Variants in AMMECR1 observed in about 807,000 individuals in gnomAD.
AMMECR1 encodes the protein AMMECR nuclear protein 1.
AMMECR1 carries 3 observed loss-of-function variants against 22.5 expected under a neutral mutation model. The ratio of observed to expected loss-of-function variants is 0.13; its 90% CI spans 0.06 to 0.35. AMMECR1 has a LOEUF of 0.35. AMMECR1 is among the 10% of genes least tolerant of loss of function. The pLI is 1.00. For missense variants in AMMECR1, 235 were observed against 278.7 expected (o/e 0.84, Z 1.12); for synonymous variants, 130 against 116.7 (o/e 1.11, Z -0.74).
chrX:110,299,632 TCTATATAAGATC>T lies in AMMECR1; in HGVS notation c.473+17955_473+17966del, dbSNP rs1222911975. 2.7e-5 allele frequency among the ~76,000 whole-genome samples: 3 copies of T among 111,944 alleles called. No individual in the cohort carries two copies. In the Admixed American group the frequency reaches 2.8e-4, roughly 11 times the overall value. Reference sequence around the variant, plus strand: ...TTATCACACCCATCACCACCCATGCTCTATATAAGATCCTAAGAACTTGTTCATCTTATAATT... The same window carrying T: ...TTATCACACCCATCACCACCCATGCTCTAAGAACTTGTTCATCTTATAATT... On this transcript the variant is annotated intron_variant, in intron 1 of 5. Coordinates refer to ENST00000262844, the MANE Select transcript of AMMECR1 (RefSeq NM_015365.3).
At position 110,317,811 on chromosome X, in the gene AMMECR1, T is replaced by C. The variant is rs2068058101; in HGVS notation, c.261A>G (p.Pro87=). ...GGGGGGIALS[P]PPSCGVGTLL... ...GGGTCCCCACTCCGCAGCTCGGAGG[T>C]GGCGACAGGGCGATCCCCCCGCCGC... The change falls in exon 1 of 6, where the codon CCA becomes CCG. Residue 87 remains proline (P), a synonymous_variant. Coordinates refer to ENST00000262844, the MANE Select transcript of AMMECR1 (RefSeq NM_015365.3). 1 of 1,159,074 alleles carries C rather than the reference T, an allele frequency of 8.6e-7. No individual in the cohort carries two copies. Among genetic ancestry groups the C allele is most frequent in the Non-Finnish European group, 1.1e-6 (1 of 869,906 alleles).
At chrX:110,242,636 G>A (rs1327165357) in intron 2 of AMMECR1, among the ~76,000 whole-genome samples, 1 of 112,117 alleles carries the variant, frequency 8.9e-6, no homozygotes, top group Non-Finnish European at 1.9e-5. Flanking sequence ...CTCTTTAAAT[G>A]AGAATTTTGC....
chrX:110,207,577 T>G (rs1408455042), intron 3 of AMMECR1, among the ~76,000 whole-genome samples: 1 of 111,028 alleles, frequency 9.0e-6, no homozygotes, highest in Non-Finnish European at 1.9e-5. Context: ...ATTATCTCGA[T>G]CTGCCCATCA....
At chrX:110,406,326 A>G (rs1311986999) in intron 2 of AMMECR1, among the ~76,000 whole-genome samples, 2 of 105,308 alleles carry the variant, frequency 1.9e-5, no homozygotes, top group African/African-American at 7.0e-5. Context: ...CTCATTGTTC[A>G]ACTCCCACTT....
intron 2 of AMMECR1, among the ~76,000 whole-genome samples, chrX:110,411,513 G>A (rs1161978353): frequency 2.7e-5 from 3 of 112,204 alleles, no homozygotes; most frequent in African/African-American, 9.7e-5. Flanking sequence ...TAAAAGATTA[G>A]AAGAAGGCAT....
intron 2 of AMMECR1, among the ~76,000 whole-genome samples, chrX:110,230,503 T>G (rs962463296): frequency 1.8e-5 from 2 of 111,829 alleles, no homozygotes; most frequent in African/African-American, 6.5e-5. Context: ...AAAGGTCATC[T>G]ACACCAAAAC....
chrX:110,222,502 C>G (rs1194945962), intron 2 of AMMECR1, among the ~76,000 whole-genome samples: 1 of 89,510 alleles, frequency 1.1e-5, no homozygotes, highest in African/African-American at 4.2e-5. Context: ...TGCTAGATGA[C>G]GAGTTAGTGG....
intron 2 of AMMECR1, among the ~76,000 whole-genome samples, chrX:110,220,893 T>C (rs773380796): frequency 5.4e-4 from 60 of 112,093 alleles, no homozygotes; most frequent in African/African-American, 1.8e-3. Flanking sequence ...CTGGAAACTA[T>C]GCTAAAAAGA....
At chrX:110,205,540 G>A (rs920967128) in intron 3 of AMMECR1, among the ~76,000 whole-genome samples, 1 of 111,411 alleles carries the variant, frequency 9.0e-6, no homozygotes, top group African/African-American at 3.3e-5. Context: ...ACACTACCAC[G>A]GTAACTTTCT....
chrX:110,322,333 G>T (rs1285001268), upstream of AMMECR1, among the ~76,000 whole-genome samples: 1 of 111,937 alleles, frequency 8.9e-6, no homozygotes. Flanking sequence ...GCAGTTAGAG[G>T]AGTTGTGAAC....
chrX:110,345,473 A>G, intron 2 of AMMECR1, among the ~76,000 whole-genome samples: 1 of 108,467 alleles, frequency 9.2e-6, no homozygotes, highest in East Asian at 2.8e-4. Context: ...GTGCACATGT[A>G]CCCTAGAACT....
chrX:110,286,087 T>C lies in AMMECR1; in HGVS notation c.474-21488A>G, dbSNP rs180866887. Among the ~76,000 whole-genome samples, 602 of 112,049 alleles carry C rather than the reference T, an allele frequency of 5.4e-3. 3 individuals carry two copies. The highest frequency in any genetic ancestry group is 0.019 in the African/African-American group (584 of 30,828). ...CTATGCTGTGATGAACTGTTTTCAG[T>C]TGGCAAGAAGGAAGTCCTTATATGC... is the stretch of plus-strand genomic sequence containing the variant. On this transcript the variant is annotated intron_variant, in intron 1 of 5. Transcript: ENST00000262844.
intron 2 of AMMECR1, among the ~76,000 whole-genome samples, chrX:110,377,776 G>A (rs1320011329): frequency 1.8e-5 from 2 of 109,435 alleles, no homozygotes; most frequent in African/African-American, 6.7e-5. Context: ...TTGGGAGGCC[G>A]AGGCGGGCGG....
At chrX:110,282,265 T>C (rs2067856291) in intron 1 of AMMECR1, among the ~76,000 whole-genome samples, 1 of 109,429 alleles carries the variant, frequency 9.1e-6, no homozygotes, top group African/African-American at 3.3e-5. Flanking sequence ...GAACCTCAGA[T>C]TAAAAAAAAA....
chrX:110,393,295 G>A (rs1308724851), intron 2 of AMMECR1, among the ~76,000 whole-genome samples: 1 of 112,022 alleles, frequency 8.9e-6, no homozygotes, highest in African/African-American at 3.2e-5. Flanking sequence ...TAGTTGTTAT[G>A]TAAAGTGCTT....
intron 1 of AMMECR1, among the ~76,000 whole-genome samples, chrX:110,315,117 G>A (rs1426993367): frequency 8.9e-6 from 1 of 111,916 alleles, no homozygotes; most frequent in East Asian, 2.8e-4. Context: ...TGGCACTTAG[G>A]ATAAAGCAAC....
At chrX:110,291,492 C>T (rs1214427464) in intron 1 of AMMECR1, among the ~76,000 whole-genome samples, 1 of 111,467 alleles carries the variant, frequency 9.0e-6, no homozygotes. Flanking sequence ...TGCCATTGCA[C>T]TCCAGCCTGG....
intron 1 of AMMECR1, among the ~76,000 whole-genome samples, chrX:110,301,759 A>G (rs961380433): frequency 8.9e-6 from 1 of 111,845 alleles, no homozygotes; most frequent in African/African-American, 3.3e-5. Flanking sequence ...TGAAACTTCT[A>G]ATCAGAAAAA....
At position 110,417,873 on chromosome X, in the gene AMMECR1, GA is replaced by G. The variant is rs771232252; in HGVS notation, c.-148+8784del. On this transcript the variant is annotated intron_variant, in intron 2 of 7. Transcript: ENST00000372057. ...GAAGAGAAAACGGAGGTAGCCTTGGGAAGTGATGGAGTTGGAATTTGAAACC... is the reference window on the plus strand; with the variant it reads ...GAAGAGAAAACGGAGGTAGCCTTGGGAGTGATGGAGTTGGAATTTGAAACC... Among the ~76,000 whole-genome samples, 13 of 112,649 alleles carry G rather than the reference GA, an allele frequency of 1.2e-4. No individual in the cohort carries two copies. The East Asian group carries it at 2.2e-3, about 19-fold the overall frequency.
Sources: gnomAD v4.1 joint callset for allele counts (sites outside exome capture counted in the v4.1 genomes callset) on GRCh38, gnomAD v4.1.1 for gene constraint, MANE v1.5 for transcripts, NCBI Gene and HGNC (gene_info 2026-07-23, HGNC 2026-07-21) for gene names.